DYNC2I1: variants seen among roughly 807,000 people sequenced by gnomAD.
DYNC2I1 encodes the protein cytoplasmic dynein 2 intermediate chain 1.
In DYNC2I1, 89 loss-of-function variants were observed where a neutral mutation model predicts 133.4. That is an observed-to-expected ratio of 0.67 (90% CI 0.56 to 0.80). The LOEUF (loss-of-function observed/expected upper bound fraction) is 0.80. DYNC2I1 is among the 30% of genes least tolerant of loss of function. The probability of loss-of-function intolerance (pLI) is 0.00; values close to 1 mark genes in which losing one functional copy is unlikely to be tolerated. For synonymous variants in DYNC2I1, 504 were observed against 484.3 expected, an observed-to-expected ratio of 1.04 and a Z score of -0.54; for missense variants, 1,291 against 1,314.5, an observed-to-expected ratio of 0.98 and a Z score of 0.28.
chr7:158,930,183 T>G (rs1037489457), intron 20 of DYNC2I1, among the ~76,000 whole-genome samples: 12 of 152,298 alleles, frequency 7.9e-5, no homozygotes, highest in African/African-American at 2.9e-4. Flanking sequence ...CCCCTTATTT[T>G]ATCAGATCTA....
chr7:158,860,265 G>A (rs1320529677), intron 1 of DYNC2I1, among the ~76,000 whole-genome samples: 1 of 151,878 alleles, frequency 6.6e-6, no homozygotes, highest in African/African-American at 2.4e-5. Flanking sequence ...CACCATGTTG[G>A]CCAGGCTGGT....
At chr7:158,855,335 C>G (rs1841161037), upstream of DYNC2I1, among the ~76,000 whole-genome samples, 1 of 152,038 alleles carries the variant, frequency 6.6e-6, no homozygotes. Flanking sequence ...TGAGGGGCCA[C>G]AAGATCTGAT....
intron 4 of DYNC2I1, among the ~76,000 whole-genome samples, chr7:158,879,473 T>TG (rs1299150705): frequency 6.6e-6 from 1 of 152,154 alleles, no homozygotes; most frequent in Non-Finnish European, 1.5e-5. Context: ...AAATCCCTAA[T>TG]GCAATATAAA....
rs866573617 is a variant in DYNC2I1, at chr7:158,926,247, C to T, written c.2318C>T (p.Thr773Met). Residue 773 changes from threonine to methionine, a missense_variant, in exon 18 of 25, where the codon ACG becomes ATG. Coordinates refer to ENST00000407559, the MANE Select transcript of DYNC2I1 (RefSeq NM_018051.5). ...SPLQAVEPIS[T>M]SVHKKQSFVL... ...CTTCAAGCAGTAGAACCTATCTCAA[C>T]GTCCGTCCACAAAAAGCAGAGCTTT... 3.1e-6 allele frequency: 5 copies of T among 1,613,460 alleles called. No individual in the cohort carries two copies. In the African/African-American group the frequency reaches 4.0e-5, roughly 13 times the overall value.
chr7:158,876,398 T>C lies in DYNC2I1; in HGVS notation c.491-211T>C, dbSNP rs556351070. ...GGGACACAGATCCAAACCATATCAC[T>C]TAGATTGCCATGTTCATCTCCTTCT... On this transcript the variant is annotated intron_variant, in intron 3 of 24. Coordinates refer to ENST00000407559, the MANE Select transcript of DYNC2I1 (RefSeq NM_018051.5). Among the ~76,000 whole-genome samples the C allele has an allele frequency of 1.8e-4, 28 of 152,306 alleles. No individual in the cohort carries two copies. The South Asian group carries it at 5.2e-3, about 28-fold the overall frequency.
chr7:158,894,764 G>A lies in DYNC2I1; in HGVS notation c.1059+3431G>A, dbSNP rs1408320545. On this transcript the variant is annotated intron_variant, in intron 8 of 24. Transcript: ENST00000407559. ...GTATGTTTAGTTTTGTTGATAAATT[G>A]CGAAGCCATCTTCCACAGTGGCCAT... 7.9e-5 allele frequency among the ~76,000 whole-genome samples: 12 copies of A among 152,312 alleles called. No homozygotes were observed. The South Asian group carries it at 2.1e-3, about 26-fold the overall frequency.
chr7:158,866,521 G>A (rs1334304451), intron 1 of DYNC2I1, among the ~76,000 whole-genome samples: 1 of 152,070 alleles, frequency 6.6e-6, no homozygotes, highest in Non-Finnish European at 1.5e-5. Flanking sequence ...GGTCACTCGT[G>A]TCCTGGGTTC....
chr7:158,947,419 C>A (rs1851921589), downstream of DYNC2I1, among the ~76,000 whole-genome samples: 1 of 152,188 alleles, frequency 6.6e-6, no homozygotes, highest in Non-Finnish European at 1.5e-5. Context: ...AATATTTGTC[C>A]CTCCTTTTCT....
chr7:158,950,155 C>T (rs112055884), downstream of DYNC2I1, among the ~76,000 whole-genome samples: 2,796 of 152,274 alleles, frequency 0.018, 44 homozygotes, highest in Non-Finnish European at 0.031. Flanking sequence ...CCTCTGCCTC[C>T]CAGGTTCAAG....
intron 23 of DYNC2I1, among the ~76,000 whole-genome samples, chr7:158,938,821 C>A (rs1338600280): frequency 2.6e-5 from 4 of 151,960 alleles, no homozygotes; most frequent in Non-Finnish European, 5.9e-5. Context: ...AAAAAAAATA[C>A]ACGCAAAAAC....
chr7:158,947,464 C>A (rs1851923574), downstream of DYNC2I1, among the ~76,000 whole-genome samples: 3 of 152,342 alleles, frequency 2.0e-5, no homozygotes, highest in South Asian at 6.2e-4. Context: ...TCTGCGAATT[C>A]TCAGCTATCA....
At chr7:158,876,351 A>C (rs894573970) in intron 3 of DYNC2I1, among the ~76,000 whole-genome samples, 4 of 152,152 alleles carry the variant, frequency 2.6e-5, no homozygotes, top group Admixed American at 2.6e-4. Flanking sequence ...TGGGGACTAC[A>C]TTTCAGCGTG....
In DYNC2I1 at chr7:158,871,180, C is replaced by G; in HGVS notation, c.108C>G (p.His36Gln). Residue 36 changes from histidine (H) to glutamine (Q), a missense_variant, in exon 3 of 25, where the codon CAC (histidine) becomes CAG (glutamine). His to Gln is a conservative substitution (Grantham distance 24, BLOSUM62 0). Coordinates refer to ENST00000407559, the MANE Select transcript of DYNC2I1 (RefSeq NM_018051.5). Reference sequence around the variant, plus strand: ...GTGGTTCCAAGGAAGAAAGAAAGCACAGAGAGAAGAAGCTGCGTAAGGAGT... The same window carrying G: ...GTGGTTCCAAGGAAGAAAGAAAGCAGAGAGAGAAGAAGCTGCGTAAGGAGT... ...QSGGSKEERK[H>Q]REKKLRKESE... 4 of 1,613,606 alleles carry G rather than the reference C, an allele frequency of 2.5e-6. No individual in the cohort carries two copies. The highest frequency in any genetic ancestry group is 3.4e-6 in the Non-Finnish European group (4 of 1,179,700).
At chr7:158,958,378 C>A (rs1318632005), downstream of DYNC2I1, among the ~76,000 whole-genome samples, 1 of 152,266 alleles carries the variant, frequency 6.6e-6, no homozygotes, top group African/African-American at 2.4e-5. Context: ...CGCGTTCTCT[C>A]TTCCTCACCG....
At chr7:158,949,621 G>A (rs997792126), downstream of DYNC2I1, among the ~76,000 whole-genome samples, 3 of 116,512 alleles carry the variant, frequency 2.6e-5, no homozygotes, top group Non-Finnish European at 6.0e-5. Context: ...AGACGGCGCA[G>A]TTCAGCGGAG....
chr7:158,915,540 C>T (rs1240321884), intron 14 of DYNC2I1, among the ~76,000 whole-genome samples: 22 of 150,490 alleles, frequency 1.5e-4, no homozygotes, highest in Non-Finnish European at 2.7e-4. Context: ...GAAACCTCGA[C>T]ACGGTGGTTG....
chr7:158,911,605 T>C lies in DYNC2I1; in HGVS notation c.1516T>C (p.Ser506Pro). ...TGACTTAGATTTTTCATTTACTTTCTCTCTCTTGGATCTACCACCAGTAAA... is the reference window on the plus strand; with the variant it reads ...TGACTTAGATTTTTCATTTACTTTCCCTCTCTTGGATCTACCACCAGTAAA... ...LIDLDFSFTF[S>P]LLDLPPVNEY... Residue 506 changes from serine to proline, a missense_variant, in exon 12 of 25, where the codon TCT (serine) becomes CCT (proline). Ser to Pro is a moderately conservative substitution (Grantham distance 74). Coordinates refer to ENST00000407559, the MANE Select transcript of DYNC2I1 (RefSeq NM_018051.5). 5 of 1,613,696 alleles carry C rather than the reference T, an allele frequency of 3.1e-6. No homozygotes were observed. The highest frequency in any genetic ancestry group is 4.2e-6 in the Non-Finnish European group (5 of 1,179,756).
intron 8 of DYNC2I1, among the ~76,000 whole-genome samples, chr7:158,898,258 T>A (rs556195642): frequency 6.6e-6 from 1 of 152,334 alleles, no homozygotes; most frequent in South Asian, 2.1e-4. Context: ...CCCGGTTCAC[T>A]GATGGTGCCG....
rs1229838701 is a variant in DYNC2I1 at position 158,945,148 on chromosome 7, G to A, written c.3003-433G>A. Among the ~76,000 whole-genome samples the A allele has an allele frequency of 6.6e-6, 1 of 152,162 alleles. No individual in the cohort carries two copies. The highest frequency in any genetic ancestry group is 2.4e-5 in the African/African-American group (1 of 41,432). On this transcript the variant is annotated intron_variant, in intron 24 of 24. Transcript: ENST00000407559. The surrounding 1 kb of genome is among the most constrained non-coding windows in gnomAD (Gnocchi z 4.1). ...GGTGCTGGTCCCATGGAGGCCAGGA[G>A]TGGAGGGGTCCGGGGCTCCAGGGTG... is the stretch of plus-strand genomic sequence containing the variant.
Sources: gnomAD v4.1 joint callset for allele counts (sites outside exome capture counted in the v4.1 genomes callset) on GRCh38, gnomAD v4.1.1 for gene constraint, Gnocchi (gnomAD v3.1) non-coding constraint, MANE v1.5 for transcripts, NCBI Gene and HGNC (gene_info 2026-07-23, HGNC 2026-07-21) for gene names.